Variants in CES5A observed in about 807,000 individuals in gnomAD.
CES5A encodes the protein carboxylesterase 5.
CES5A carries 67 observed loss-of-function variants against 62.9 expected under a neutral mutation model. The observed-to-expected ratio is 1.07, with a 90% confidence interval of 0.88 to 1.31. The LOEUF (loss-of-function observed/expected upper bound fraction) is 1.31, where lower values mean the gene tolerates loss of function less well. Ranked by LOEUF, CES5A falls within the 50% of genes most tolerant of loss-of-function variation. The probability of loss-of-function intolerance (pLI) is 0.00; values close to 1 mark genes in which losing one functional copy is unlikely to be tolerated. For missense variants in CES5A, 748 were observed against 708.5 expected, an observed-to-expected ratio of 1.06 and a Z score of -0.63; for synonymous variants, 296 against 280.8, an observed-to-expected ratio of 1.05 and a Z score of -0.54.
intron 1 of CES5A, among the ~76,000 whole-genome samples, chr16:55,916,233 T>C (rs2034147400): frequency 6.6e-6 from 1 of 152,158 alleles, no homozygotes; most frequent in South Asian, 2.1e-4. Context: ...AGCGATGTTA[T>C]CTGCAGGAGT....
intron 1 of CES5A, among the ~76,000 whole-genome samples, chr16:55,901,969 G>A (rs2033994691): frequency 6.6e-6 from 1 of 152,130 alleles, no homozygotes; most frequent in African/African-American, 2.4e-5. Context: ...CTTTCAACAG[G>A]GAAGGATCGC....
At chr16:55,904,659 A>G (rs533704133) in intron 1 of CES5A, among the ~76,000 whole-genome samples, 1 of 152,356 alleles carries the variant, frequency 6.6e-6, no homozygotes, top group South Asian at 2.1e-4. Flanking sequence ...TACTAGTTCC[A>G]TTATAGAAAA....
intron 1 of CES5A, among the ~76,000 whole-genome samples, chr16:55,919,064 A>C (rs2034175513): frequency 1.3e-5 from 2 of 151,932 alleles, no homozygotes; most frequent in Admixed American, 1.3e-4. Context: ...TATCTACCCC[A>C]CTCCATCTCT....
intron 1 of CES5A, among the ~76,000 whole-genome samples, chr16:55,902,595 C>A (rs2034002190): frequency 6.6e-6 from 1 of 152,176 alleles, no homozygotes; most frequent in African/African-American, 2.4e-5. Context: ...TATTTAAATT[C>A]TTCCCCAGAA....
intron 1 of CES5A, among the ~76,000 whole-genome samples, chr16:55,906,696 G>A (rs944894758): frequency 3.3e-5 from 5 of 152,210 alleles, no homozygotes; most frequent in Admixed American, 2.0e-4. Context: ...GCTTCCCAGG[G>A]GAGCTGGAGA....
At chr16:55,932,168 T>C (rs1244895357) in intron 2 of CES5A, among the ~76,000 whole-genome samples, 1 of 152,200 alleles carries the variant, frequency 6.6e-6, no homozygotes, top group African/African-American at 2.4e-5. Flanking sequence ...TCACAGCTCA[T>C]TGGCCAGAAC....
intron 1 of CES5A, among the ~76,000 whole-genome samples, chr16:55,882,788 A>T (rs1225459628): frequency 6.6e-6 from 1 of 152,164 alleles, no homozygotes; most frequent in African/African-American, 2.4e-5. Context: ...CCTTCACTGA[A>T]ATGTCCCTTC....
intron 1 of CES5A, among the ~76,000 whole-genome samples, chr16:55,902,836 G>A (rs2034005095): frequency 1.3e-5 from 2 of 152,298 alleles, no homozygotes; most frequent in South Asian, 4.1e-4. Context: ...CAACACATGT[G>A]CCTGGAGAAG....
chr16:55,873,001 A>G (rs1460705825), intron 2 of CES5A, among the ~76,000 whole-genome samples: 1 of 152,176 alleles, frequency 6.6e-6, no homozygotes, highest in Admixed American at 6.5e-5. Flanking sequence ...AATGAGTTTC[A>G]GCTTGATGTC....
At chr16:55,863,315 A>G in intron 6 of CES5A, 33 bp downstream of exon 6, 1 of 1,095,382 alleles carries the variant, frequency 9.1e-7, no homozygotes, top group Non-Finnish European at 1.4e-6. Context: ...AACTGAGGAG[A>G]GGAAGGTGGC....
intron 1 of CES5A, among the ~76,000 whole-genome samples, chr16:55,902,230 C>T (rs1052422941): frequency 1.3e-5 from 2 of 152,114 alleles, no homozygotes; most frequent in South Asian, 2.1e-4. Context: ...ATGATGACTG[C>T]ATTTGAGGAG....
At chr16:55,850,486 C>T (rs142396611) in intron 10 of CES5A, among the ~76,000 whole-genome samples, 49 of 152,272 alleles carry the variant, frequency 3.2e-4, no homozygotes, top group African/African-American at 1.1e-3. Context: ...ACATGTGGCC[C>T]TTTGTGCCTG....
chr16:55,951,727 A>G (rs2034559586), intron 1 of CES5A, among the ~76,000 whole-genome samples: 1 of 152,236 alleles, frequency 6.6e-6, no homozygotes, highest in South Asian at 2.1e-4. Flanking sequence ...TTGATAAAAT[A>G]TAACATCAAT....
chr16:55,917,684 T>C (rs2034161371), intron 1 of CES5A, among the ~76,000 whole-genome samples: 1 of 152,144 alleles, frequency 6.6e-6, no homozygotes, highest in South Asian at 2.1e-4. Flanking sequence ...GGTTGTAAGC[T>C]CATCTCAGGT....
At chr16:55,876,866 G>C (rs888997857), upstream of CES5A, among the ~76,000 whole-genome samples, 2 of 152,194 alleles carry the variant, frequency 1.3e-5, no homozygotes, top group African/African-American at 4.8e-5. Flanking sequence ...GGAGCTAGAG[G>C]AGGAGGAAGG....
At chr16:55,884,350 T>C (rs546702905) in intron 1 of CES5A, among the ~76,000 whole-genome samples, 1 of 152,300 alleles carries the variant, frequency 6.6e-6, no homozygotes, top group African/African-American at 2.4e-5. Flanking sequence ...CACACTCCCT[T>C]AACCATCTCC....
Position 55,919,478 on chromosome 16 carries a change from C to T in CES5A, c.-256+5845G>A, listed in dbSNP as rs147913420. 3.6e-3 allele frequency among the ~76,000 whole-genome samples: 545 copies of T among 152,246 alleles called. 5 individuals carry two copies. Among genetic ancestry groups the T allele is most frequent in the African/African-American group, 0.013 (524 of 41,536 alleles). Reference sequence around the variant, plus strand: ...TTCCCTACCCAAATGATTTTATCTTCGCTTTCCTCAGGAAGTATGGACTCT... The same window carrying T: ...TTCCCTACCCAAATGATTTTATCTTTGCTTTCCTCAGGAAGTATGGACTCT... On this transcript the variant is annotated intron_variant, in intron 1 of 12. Coordinates refer to the CES5A transcript ENST00000518005.
intron 1 of CES5A, among the ~76,000 whole-genome samples, chr16:55,915,018 T>G (rs2034132600): frequency 6.6e-6 from 1 of 152,120 alleles, no homozygotes; most frequent in Non-Finnish European, 1.5e-5. Flanking sequence ...TTTTTTTTCT[T>G]TTAAGCTTCC....
exon 1 of CES5A, chr16:55,955,884 A>T: frequency 6.5e-7 from 1 of 1,536,088 alleles, no homozygotes; most frequent in Non-Finnish European, 8.7e-7. Flanking sequence ...CAGAACAGCC[A>T]TCAGACTTGC....
Sources: allele counts gnomAD v4.1 joint callset (sites outside exome capture counted in the v4.1 genomes callset), GRCh38; gene constraint gnomAD v4.1.1; transcripts MANE v1.5; gene names NCBI Gene and HGNC (gene_info 2026-07-23, HGNC 2026-07-21).